Variants in VAV2 observed in about 807,000 individuals in gnomAD.
VAV2 encodes the protein vav guanine nucleotide exchange factor 2, also known as guanine nucleotide exchange factor VAV2.
Under a neutral mutation model 132.5 loss-of-function variants are expected in VAV2, and 67 were observed. That is an observed-to-expected ratio of 0.51 (90% CI 0.42 to 0.62). VAV2 has a LOEUF of 0.62. Ranked by LOEUF, VAV2 falls within the 20% of genes least tolerant of loss-of-function variation. The pLI, the probability that VAV2 is intolerant of heterozygous loss-of-function variation, is 0.00. For synonymous variants in VAV2, 492 were observed against 443.5 expected (o/e 1.11, Z -1.37); for missense variants, 938 against 1,153.6 (o/e 0.81, Z 2.71).
In VAV2 at chr9:133,911,206, G is replaced by GC. The variant is rs1839874109; in HGVS notation, c.321+27896dup. ...ATAAAAACTAAAAAGGAAAGAGCCT[G>GC]CCTCACTCACTAAGCAAGTCCCACC... is the stretch of plus-strand genomic sequence containing the variant. On this transcript the variant is annotated intron_variant, in intron 2 of 29. Coordinates refer to ENST00000371850, the MANE Select transcript of VAV2 (RefSeq NM_001134398.2). 2.0e-5 allele frequency among the ~76,000 whole-genome samples: 3 copies of GC among 152,218 alleles called. No individual in the cohort carries two copies. The South Asian group carries it at 6.2e-4, about 32-fold the overall frequency.
At chr9:133,814,782 C>G (rs1206871534) in intron 4 of VAV2, among the ~76,000 whole-genome samples, 1 of 152,092 alleles carries the variant, frequency 6.6e-6, no homozygotes. Context: ...TCGACCAGAA[C>G]CGGTTGCTGA....
In VAV2 at chr9:133,821,402, C is replaced by G. The variant is rs557543680; in HGVS notation, c.450-9186G>C. The stretch of plus-strand genomic sequence containing the variant: ...GTTGTCTTTGTAGCCCTTCCTGTTT[C>G]TAGCTCTGTAACTGCAACCAGGATA... On this transcript the variant is annotated intron_variant, in intron 4 of 29. Transcript: ENST00000371850. 5.9e-5 allele frequency among the ~76,000 whole-genome samples: 9 copies of G among 152,328 alleles called. No individual in the cohort carries two copies. In the South Asian group the frequency reaches 1.9e-3, roughly 32 times the overall value.
chr9:133,874,133 G>C lies in VAV2; in HGVS notation c.322-12701C>G, dbSNP rs1308415397. Among the ~76,000 whole-genome samples the C allele has an allele frequency of 3.9e-5, 6 of 152,348 alleles. No homozygotes were observed. The East Asian group carries it at 1.2e-3, about 29-fold the overall frequency. Reference sequence around the variant, plus strand: ...CACGCCGCCCTGCCCTGGAGGGCCGGCTATCCATCCTGGATTTGAAGCTGA... The same window carrying C: ...CACGCCGCCCTGCCCTGGAGGGCCGCCTATCCATCCTGGATTTGAAGCTGA... On this transcript the variant is annotated intron_variant, in intron 2 of 29. Coordinates refer to ENST00000371850, the MANE Select transcript of VAV2 (RefSeq NM_001134398.2).
chr9:133,779,912 A>C lies in VAV2; in HGVS notation c.1762+6T>G, dbSNP rs747879738. The C allele has an allele frequency of 3.1e-6, 5 of 1,611,394 alleles. No homozygotes were observed. The highest frequency in any genetic ancestry group is 4.2e-6 in the Non-Finnish European group (5 of 1,179,304). ...ATAGCAGAGGGCCCAGGTCCAGAAGACTCACCTGGTCCCGCTCCGGAGGCG... is the reference window on the plus strand; with the variant it reads ...ATAGCAGAGGGCCCAGGTCCAGAAGCCTCACCTGGTCCCGCTCCGGAGGCG... On this transcript the variant is annotated splice_donor_region_variant and intron_variant, in intron 21 of 29. Coordinates refer to ENST00000371850, the MANE Select transcript of VAV2 (RefSeq NM_001134398.2).
In VAV2 at chr9:133,769,477, A is replaced by C. The variant is rs1332532896; in HGVS notation, c.2374T>G (p.Phe792Val). ...AAGCTGAGGCCCTGAGGACTGAGAA[A>C]AGAAAAGTTGTAGGAAGCACAGGAA... is the stretch of plus-strand genomic sequence containing the variant. ...PASCASYNFS[F>V]LSPQGLSFAS... Residue 792 changes from phenylalanine (F) to valine (V), a missense_variant, in exon 28 of 30, where the codon TTT (phenylalanine) becomes GTT (valine). By Grantham distance (50) the Phe-to-Val change is conservative. Transcript: ENST00000371850. This position sits in a 1 kb window ranked among gnomAD's most constrained non-coding sequence, Gnocchi z 8.1. 2.5e-6 allele frequency: 4 copies of C among 1,613,050 alleles called. No individual in the cohort carries two copies. The highest frequency in any genetic ancestry group is 3.4e-6 in the Non-Finnish European group (4 of 1,179,496).
intron 1 of VAV2, among the ~76,000 whole-genome samples, chr9:133,975,167 T>C (rs2519135): frequency 0.2 from 30,076 of 151,612 alleles, 3,073 homozygotes; most frequent in African/African-American, 0.25. Flanking sequence ...GCAGAACCCA[T>C]CCCCTTACTA....
At chr9:133,931,623 G>A (rs997486061) in intron 2 of VAV2, among the ~76,000 whole-genome samples, 9 of 152,232 alleles carry the variant, frequency 5.9e-5, no homozygotes, top group African/African-American at 1.4e-4. Flanking sequence ...CACAAAGGGA[G>A]AGAGCAACAG....
At chr9:133,811,153 T>A (rs7021946) in intron 5 of VAV2, among the ~76,000 whole-genome samples, 42,117 of 152,088 alleles carry the variant, frequency 0.28, 6,654 homozygotes, top group African/African-American at 0.44. Context: ...ACCCCCCGGT[T>A]ATGGCGGGGA....
intron 17 of VAV2, among the ~76,000 whole-genome samples, chr9:133,784,805 C>T (rs1191989942): frequency 6.6e-6 from 1 of 151,980 alleles, no homozygotes; most frequent in Non-Finnish European, 1.5e-5. Flanking sequence ...AATATTGGGC[C>T]CCCTGAGGTA....
In VAV2 at chr9:133,794,276, G is replaced by A. The variant is rs781654058; in HGVS notation, c.1101+1392C>T. Among the ~76,000 whole-genome samples the A allele has an allele frequency of 6.6e-6, 1 of 152,156 alleles. No individual in the cohort carries two copies. The highest frequency in any genetic ancestry group is 1.5e-5 in the Non-Finnish European group (1 of 68,010). ...GCTTGGGGGCTGCAGAGCTGACACC[G>A]AGAAAGTTCTGTCAGCCCGTCATGG... is the stretch of plus-strand genomic sequence containing the variant. On this transcript the variant is annotated intron_variant, in intron 12 of 29. Transcript: ENST00000371850. This position sits in a 1 kb window ranked among gnomAD's most constrained non-coding sequence, Gnocchi z 4.6.
At chr9:133,851,978 T>A (rs556333290) in intron 3 of VAV2, among the ~76,000 whole-genome samples, 1 of 149,484 alleles carries the variant, frequency 6.7e-6, no homozygotes, top group African/African-American at 2.5e-5. Flanking sequence ...GAAGGATGGA[T>A]GAATGGATGG....
intron 2 of VAV2, among the ~76,000 whole-genome samples, chr9:133,867,438 C>T (rs980091263): frequency 6.6e-6 from 1 of 152,224 alleles, no homozygotes; most frequent in African/African-American, 2.4e-5. Context: ...AAGGGTGCCA[C>T]GTGCTCTGAA....
At chr9:133,798,689 C>G (rs190268186) in intron 9 of VAV2, among the ~76,000 whole-genome samples, 5 of 152,214 alleles carry the variant, frequency 3.3e-5, no homozygotes, top group Non-Finnish European at 7.3e-5. Flanking sequence ...TTGGTGACAA[C>G]AAGGATGACA....
chr9:133,839,691 C>T (rs912653545), intron 3 of VAV2, among the ~76,000 whole-genome samples: 6 of 152,180 alleles, frequency 3.9e-5, no homozygotes, highest in East Asian at 1.9e-4. Flanking sequence ...CCTCGTGATC[C>T]GCCCGCCTCA....
chr9:133,812,046 TAAGC>T, intron 5 of VAV2, 64 bp downstream of exon 5: 1 of 1,529,196 alleles, frequency 6.5e-7, no homozygotes, highest in Non-Finnish European at 9.0e-7. Context: ...GGTATTGTGT[TAAGC>T]AAGGGCCAGG....
chr9:133,849,262 G>A (rs995481834), intron 3 of VAV2, among the ~76,000 whole-genome samples: 36 of 152,150 alleles, frequency 2.4e-4, no homozygotes, highest in African/African-American at 5.6e-4. Context: ...CACTGACCCC[G>A]AAGGCTCACC....
At chr9:133,958,478 T>C (rs999409338) in intron 1 of VAV2, among the ~76,000 whole-genome samples, 1 of 150,784 alleles carries the variant, frequency 6.6e-6, no homozygotes, top group Non-Finnish European at 1.5e-5. Context: ...AAGATCTTTG[T>C]TCACGTGTTT....
intron 2 of VAV2, among the ~76,000 whole-genome samples, chr9:133,915,898 CGAT>C (rs1264329175): frequency 4.0e-5 from 6 of 151,698 alleles, no homozygotes; most frequent in African/African-American, 1.2e-4. Flanking sequence ...CACTCACACA[CGAT>C]GCACACGTGC....
intron 2 of VAV2, among the ~76,000 whole-genome samples, chr9:133,866,759 TTG>T (rs1837816609): frequency 6.7e-6 from 1 of 148,974 alleles, no homozygotes; most frequent in African/African-American, 2.5e-5. Flanking sequence ...TGGGCCGAGA[TTG>T]CACCACTGCA....
Sources: gnomAD v4.1 joint callset for allele counts (sites outside exome capture counted in the v4.1 genomes callset) on GRCh38, gnomAD v4.1.1 for gene constraint, Gnocchi (gnomAD v3.1) non-coding constraint, MANE v1.5 for transcripts, NCBI Gene and HGNC (gene_info 2026-07-23, HGNC 2026-07-21) for gene names.